Variants in SPATA22 observed in about 807,000 individuals in gnomAD.
The protein encoded by SPATA22 is spermatogenesis-associated protein 22.
In SPATA22, 29 loss-of-function variants were observed where a neutral mutation model predicts 47.8. The ratio of observed to expected loss-of-function variants is 0.61; its 90% CI spans 0.45 to 0.83. The LOEUF is 0.83. Among genes scored for constraint, SPATA22 ranks in the 40% least tolerant of loss-of-function variants. SPATA22 has a pLI of 0.00. For missense variants in SPATA22, 410 were observed against 421.7 expected (o/e 0.97, Z 0.24); for synonymous variants, 133 against 140.9 (o/e 0.94, Z 0.40).
Position 3,494,407 on chromosome 17 carries a change from AC to A in SPATA22, c.-74+19004del, listed in dbSNP as rs1057516315. 6.2e-7 allele frequency: 1 copy of A among 1,613,148 alleles called. No homozygotes were observed. The highest frequency in any genetic ancestry group is 8.5e-7 in the Non-Finnish European group (1 of 1,179,166). On this transcript the variant is annotated intron_variant, in intron 1 of 8. Coordinates refer to the SPATA22 transcript ENST00000541913. Reference sequence around the variant, plus strand: ...TATAAAATTATAGAGAAAGTTGATTACCCCCGGGATGAAAATGGAGAAATTG... The same window carrying A: ...TATAAAATTATAGAGAAAGTTGATTACCCCGGGATGAAAATGGAGAAATTG...
At chr17:3,440,585 A>G in intron 8 of SPATA22, 1 of 302,450 alleles carries the variant, frequency 3.3e-6, no homozygotes. Flanking sequence ...TCAAAGACTG[A>G]ATAATCCCCA....
In SPATA22 at chr17:3,490,821, T is replaced by A. The variant is rs1007962742; in HGVS notation, c.-73-21423A>T. 1.3e-5 allele frequency among the ~76,000 whole-genome samples: 2 copies of A among 152,146 alleles called. No individual in the cohort carries two copies. Among genetic ancestry groups the A allele is most frequent in the African/African-American group, 4.8e-5 (2 of 41,418 alleles). Reference sequence around the variant, plus strand: ...TCAGATCATAGTCCATAGAATCCTATCACAACGGTGGAGAAAAGCAGTTCC... The same window carrying A: ...TCAGATCATAGTCCATAGAATCCTAACACAACGGTGGAGAAAAGCAGTTCC... On this transcript the variant is annotated intron_variant, in intron 1 of 8. Coordinates refer to the SPATA22 transcript ENST00000541913. The surrounding 1 kb of genome is among the most constrained non-coding windows in gnomAD (Gnocchi z 4.6).
At chr17:3,504,340 C>T (rs1055597081) in intron 1 of SPATA22, among the ~76,000 whole-genome samples, 2 of 152,148 alleles carry the variant, frequency 1.3e-5, no homozygotes, top group Admixed American at 6.5e-5. Context: ...AACATCCCTT[C>T]TCTACTGGAA....
At chr17:3,495,124 G>A (rs2073888468) in intron 1 of SPATA22, among the ~76,000 whole-genome samples, 1 of 152,032 alleles carries the variant, frequency 6.6e-6, no homozygotes, top group African/African-American at 2.4e-5. Context: ...GAATGTAGGA[G>A]GTTTAAATCC....
At chr17:3,456,601 C>A (rs956064919) in intron 5 of SPATA22, among the ~76,000 whole-genome samples, 6 of 152,118 alleles carry the variant, frequency 3.9e-5, no homozygotes, top group Admixed American at 2.6e-4. Context: ...GGATTCACAG[C>A]CGAATTCTAC....
intron 1 of SPATA22, among the ~76,000 whole-genome samples, chr17:3,476,972 A>C (rs2073534336): frequency 6.6e-6 from 1 of 152,080 alleles, no homozygotes; most frequent in African/African-American, 2.4e-5. Context: ...TGGCTAATGC[A>C]GTGAAACCCC....
intron 5 of SPATA22, among the ~76,000 whole-genome samples, chr17:3,454,352 AG>A (rs1185121219): frequency 6.6e-6 from 1 of 151,860 alleles, no homozygotes; most frequent in Non-Finnish European, 1.5e-5. Context: ...CACAATGTGC[AG>A]GTTTGTTACA....
chr17:3,507,959 T>C (rs1480122258), intron 1 of SPATA22, among the ~76,000 whole-genome samples: 3 of 152,162 alleles, frequency 2.0e-5, no homozygotes, highest in Non-Finnish European at 4.4e-5. Flanking sequence ...CATTCCTAGG[T>C]TTTGGACTAA....
chr17:3,459,069 C>T (rs1191398284), intron 5 of SPATA22, among the ~76,000 whole-genome samples: 1 of 151,992 alleles, frequency 6.6e-6, no homozygotes, highest in Non-Finnish European at 1.5e-5. Context: ...GGGATCTTTA[C>T]AAATCAAACT....
At chr17:3,481,377 G>A (rs922691027) in intron 1 of SPATA22, among the ~76,000 whole-genome samples, 1 of 152,122 alleles carries the variant, frequency 6.6e-6, no homozygotes, top group African/African-American at 2.4e-5. Context: ...ATAAATGCAC[G>A]TATTACTTCG....
At chr17:3,491,044 G>C (rs372876924) in intron 1 of SPATA22, among the ~76,000 whole-genome samples, 1 of 152,178 alleles carries the variant, frequency 6.6e-6, no homozygotes, top group East Asian at 1.9e-4. Flanking sequence ...CATGTGAAAA[G>C]TCTGAAGAAG....
At chr17:3,495,272 C>T (rs184096815) in intron 1 of SPATA22, among the ~76,000 whole-genome samples, 16 of 152,180 alleles carry the variant, frequency 1.1e-4, no homozygotes, top group Non-Finnish European at 5.9e-5. Flanking sequence ...GGGCTTTCAA[C>T]CCCGACTAAC....
At chr17:3,511,746 T>C (rs2074116504) in intron 1 of SPATA22, 1 of 152,216 alleles carries the variant, frequency 6.6e-6, no homozygotes, top group Non-Finnish European at 1.5e-5. Context: ...GTTAGGCAAA[T>C]AGAAATCAAT....
rs1049588045 is a variant in SPATA22 at position 3,490,801 on chromosome 17, T to A, written c.-73-21403A>T. Among the ~76,000 whole-genome samples the A allele has an allele frequency of 6.6e-6, 1 of 152,200 alleles. No individual in the cohort carries two copies. The highest frequency in any genetic ancestry group is 1.9e-4 in the East Asian group (1 of 5,200). On this transcript the variant is annotated intron_variant, in intron 1 of 8. Transcript: ENST00000541913. This position sits in a 1 kb window ranked among gnomAD's most constrained non-coding sequence, Gnocchi z 4.6. Reference sequence around the variant, plus strand: ...GTGGAAAACGTGGTTGGTTTTCAGATCATAGTCCATAGAATCCTATCACAA... The same window carrying A: ...GTGGAAAACGTGGTTGGTTTTCAGAACATAGTCCATAGAATCCTATCACAA...
chr17:3,458,855 C>CAAAAAAAAAAAAAAAAAA (rs545223532), intron 5 of SPATA22, among the ~76,000 whole-genome samples: 73 of 38,336 alleles, frequency 1.9e-3, no homozygotes, highest in African/African-American at 3.8e-3. Context: ...CGAAACTTCA[C>CAAAAAAAAAAAAAAAAAA]AAAAAAAAAA....
intron 5 of SPATA22, among the ~76,000 whole-genome samples, chr17:3,451,680 G>A (rs2072863290): frequency 6.6e-6 from 1 of 152,166 alleles, no homozygotes; most frequent in Non-Finnish European, 1.5e-5. Context: ...CAGGCATGGT[G>A]GCTTACGTCT....
chr17:3,509,237 T>C (rs1237040598), intron 1 of SPATA22, among the ~76,000 whole-genome samples: 1 of 151,980 alleles, frequency 6.6e-6, no homozygotes, highest in Non-Finnish European at 1.5e-5. Context: ...GTGCAGAACA[T>C]GCAGGTTTGT....
rs1205492213 is a variant in SPATA22, at chr17:3,467,539, G to A, written c.59C>T (p.Pro20Leu). The change falls in exon 3 of 9, where the codon CCG (proline) becomes CTG (leucine). Residue 20 changes from proline to leucine, a missense_variant. By Grantham distance (98) the Pro-to-Leu change is moderately conservative (BLOSUM62 -3). Transcript: ENST00000572969. ...GTTCCTCTTTTTCTGATTGAACAAC[G>A]GAACAGGCAAACAGCCTAAATTGAA... ...ARSTAGCLPVPLFNQKKRNRQ... is the reference protein window; with the variant it reads ...ARSTAGCLPVLLFNQKKRNRQ... 40 of 1,605,070 alleles carry A rather than the reference G, an allele frequency of 2.5e-5. No individual in the cohort carries two copies. The highest frequency in any genetic ancestry group is 1.2e-4 in the Admixed American group (7 of 59,132).
At chr17:3,511,966 T>C (rs1237238418) in intron 1 of SPATA22, 1 of 152,214 alleles carries the variant, frequency 6.6e-6, no homozygotes, top group East Asian at 1.9e-4. Flanking sequence ...TCAGGCTTAA[T>C]GCGGGTAGCT....
Sources: allele counts gnomAD v4.1 joint callset (sites outside exome capture counted in the v4.1 genomes callset), GRCh38; gene constraint gnomAD v4.1.1; non-coding constraint Gnocchi (gnomAD v3.1); transcripts MANE v1.5; gene names NCBI Gene and HGNC (gene_info 2026-07-23, HGNC 2026-07-21).